The following MAML3 variants were observed in gnomAD, a reference collection of about 807,000 sequenced individuals.
MAML3 encodes the protein mastermind-like protein 3.
In MAML3, 27 loss-of-function variants were observed where a neutral mutation model predicts 101.9. That is an observed-to-expected ratio of 0.27 (90% CI 0.20 to 0.37). The LOEUF is 0.37. Ranked by LOEUF, MAML3 falls within the 10% of genes least tolerant of loss-of-function variation. The pLI is 1.00. For missense variants in MAML3, 1,316 were observed against 1,444.9 expected (o/e 0.91, Z 1.45); for synonymous variants, 501 against 555.9 (o/e 0.90, Z 1.39).
intron 1 of MAML3, among the ~76,000 whole-genome samples, chr4:140,062,987 A>C (rs1027585638): frequency 2.0e-5 from 3 of 152,196 alleles, no homozygotes; most frequent in African/African-American, 7.2e-5. Flanking sequence ...ATTACCACTC[A>C]TTAAATATTT....
At chr4:139,968,287 G>T (rs147674061) in intron 1 of MAML3, among the ~76,000 whole-genome samples, 1 of 146,500 alleles carries the variant, frequency 6.8e-6, no homozygotes, top group South Asian at 2.1e-4. Context: ...TCCAGCCTGG[G>T]CAACAGAGTG....
chr4:140,109,810 C>T (rs904802852), intron 1 of MAML3, among the ~76,000 whole-genome samples: 2 of 152,134 alleles, frequency 1.3e-5, no homozygotes, highest in Admixed American at 1.3e-4. Context: ...GCATCACTGT[C>T]GCCATGACAA....
At chr4:139,824,410 T>C (rs893054626) in intron 2 of MAML3, among the ~76,000 whole-genome samples, 2 of 152,206 alleles carry the variant, frequency 1.3e-5, no homozygotes, top group Admixed American at 1.3e-4. Context: ...CGTCTCCCAG[T>C]TGCTGAGAGG....
chr4:140,060,939 T>C (rs561129459), intron 1 of MAML3, among the ~76,000 whole-genome samples: 3 of 152,208 alleles, frequency 2.0e-5, no homozygotes, highest in Non-Finnish European at 2.9e-5. Context: ...CAGAGCATCA[T>C]CTGCTAAGTT....
intron 1 of MAML3, among the ~76,000 whole-genome samples, chr4:139,931,169 T>C (rs867379886): frequency 2.0e-5 from 3 of 152,192 alleles, no homozygotes; most frequent in African/African-American, 7.2e-5. Context: ...TCAAAAATTA[T>C]AAAAAAATCT....
intron 1 of MAML3, among the ~76,000 whole-genome samples, chr4:139,915,633 G>A: frequency 6.6e-6 from 1 of 152,186 alleles, no homozygotes; most frequent in East Asian, 1.9e-4. Context: ...CTGTGTGTAT[G>A]AATCCAAGGT....
rs371407912 is a variant in MAML3 at position 139,902,916 on chromosome 4, C to T, written c.469-11949G>A. ...CCCTTTAAGACGTGGCAGCCTAAAA[C>T]CTCTGTGTCCAATCTGAAGCTAAAA... On this transcript the variant is annotated intron_variant, in intron 1 of 4. Coordinates refer to ENST00000509479, the MANE Select transcript of MAML3 (RefSeq NM_018717.5). Among the ~76,000 whole-genome samples the T allele has an allele frequency of 1.9e-4, 29 of 152,286 alleles. No homozygotes were observed. In the East Asian group the frequency reaches 5.0e-3, roughly 26 times the overall value.
intron 1 of MAML3, among the ~76,000 whole-genome samples, chr4:140,085,402 C>T (rs1268830097): frequency 6.6e-6 from 1 of 152,094 alleles, no homozygotes; most frequent in African/African-American, 2.4e-5. Flanking sequence ...TCATAAAACC[C>T]GAGGAGGGAA....
At chr4:139,828,989 G>A (rs1183643393) in intron 2 of MAML3, among the ~76,000 whole-genome samples, 8 of 127,154 alleles carry the variant, frequency 6.3e-5, no homozygotes, top group African/African-American at 3.0e-5. Flanking sequence ...AAGGAAGGAA[G>A]GAAGGAAGGA....
intron 2 of MAML3, among the ~76,000 whole-genome samples, chr4:139,750,733 C>T (rs1486439705): frequency 6.6e-6 from 1 of 152,118 alleles, no homozygotes; most frequent in Non-Finnish European, 1.5e-5. Flanking sequence ...CTAAAAATGG[C>T]CTTCCTAAGG....
intron 1 of MAML3, among the ~76,000 whole-genome samples, chr4:139,948,845 C>T (rs749195992): frequency 6.6e-6 from 1 of 152,112 alleles, no homozygotes; most frequent in African/African-American, 2.4e-5. Context: ...CCCCATTGTA[C>T]GTGTGAGAAA....
chr4:139,988,519 C>A (rs543673244), intron 1 of MAML3, among the ~76,000 whole-genome samples: 2 of 151,978 alleles, frequency 1.3e-5, no homozygotes, highest in African/African-American at 4.8e-5. Context: ...CAAAAATTCC[C>A]GTTTCATGAG....
chr4:139,967,296 G>A (rs1382988239), intron 1 of MAML3, among the ~76,000 whole-genome samples: 1 of 152,108 alleles, frequency 6.6e-6, no homozygotes. Context: ...TCACCTTTCT[G>A]TCTCTTCACT....
At chr4:140,073,714 A>C (rs1226690850) in intron 1 of MAML3, among the ~76,000 whole-genome samples, 1 of 152,138 alleles carries the variant, frequency 6.6e-6, no homozygotes, top group African/African-American at 2.4e-5. Flanking sequence ...AATAATCCAT[A>C]TGTTGCTTTT....
intron 1 of MAML3, among the ~76,000 whole-genome samples, chr4:140,133,405 T>A (rs935424298): frequency 6.6e-6 from 1 of 152,112 alleles, no homozygotes; most frequent in African/African-American, 2.4e-5. Context: ...AATTACACAG[T>A]CCCCAAAAGA....
chr4:139,861,054 T>C (rs1026493395), intron 2 of MAML3, among the ~76,000 whole-genome samples: 2 of 152,170 alleles, frequency 1.3e-5, no homozygotes, highest in Admixed American at 6.5e-5. Context: ...CTGTATATAC[T>C]AAAAGATGAG....
At chr4:139,879,969 T>C (rs913971663) in intron 2 of MAML3, among the ~76,000 whole-genome samples, 1 of 152,150 alleles carries the variant, frequency 6.6e-6, no homozygotes. Context: ...GCTTAGGAGT[T>C]TGTGACCAGC....
chr4:139,907,798 A>G (rs1732846289), intron 1 of MAML3, among the ~76,000 whole-genome samples: 1 of 152,224 alleles, frequency 6.6e-6, no homozygotes, highest in Non-Finnish European at 1.5e-5. Context: ...CATTCTGGCA[A>G]CCACAACTTG....
chr4:140,090,568 C>A (rs1728026785), intron 1 of MAML3, among the ~76,000 whole-genome samples: 1 of 152,212 alleles, frequency 6.6e-6, no homozygotes, highest in African/African-American at 2.4e-5. Context: ...TTGAGAAGAT[C>A]AAACAATGTT....
Sources: allele counts gnomAD v4.1 joint callset (sites outside exome capture counted in the v4.1 genomes callset), GRCh38; gene constraint gnomAD v4.1.1; transcripts MANE v1.5; gene names NCBI Gene and HGNC (gene_info 2026-07-23, HGNC 2026-07-21).